Variants in PHF6 observed in about 807,000 individuals in gnomAD.
PHF6 encodes PHD finger protein 6.
PHF6 carries 7 observed loss-of-function variants against 34.0 expected under a neutral mutation model. The observed-to-expected ratio is 0.21, with a 90% CI of 0.12 to 0.39. The LOEUF is 0.39. Ranked by LOEUF, PHF6 falls within the 10% of genes least tolerant of loss-of-function variation. PHF6 has a pLI of 1.00. For missense variants in PHF6, 128 were observed against 262.8 expected (o/e 0.49, Z 3.55); for synonymous variants, 89 against 88.4 (o/e 1.01, Z -0.04).
intron 5 of PHF6, among the ~76,000 whole-genome samples, chrX:134,411,317 C>G (rs1298161705): frequency 9.0e-6 from 1 of 110,952 alleles, no homozygotes; most frequent in Non-Finnish European, 1.9e-5. Context: ...ATATATGAAT[C>G]TTTCGTGACT....
chrX:134,409,882 T>C (rs1367790015), intron 5 of PHF6, among the ~76,000 whole-genome samples: 7 of 110,985 alleles, frequency 6.3e-5, no homozygotes, highest in Non-Finnish European at 3.8e-5. Context: ...AGTGTTTAGC[T>C]CCCACTTATA....
intron 7 of PHF6, 98 bp downstream of exon 7, chrX:134,414,064 ATCATTTAGCTAGTAACC>A: frequency 1.0e-6 from 1 of 989,272 alleles, no homozygotes; most frequent in Non-Finnish European, 1.4e-6. Flanking sequence ...TTTTTTAAAA[ATCATTTAGCTAGTAACC>A]AAAAAATTTC....
intron 3 of PHF6, among the ~76,000 whole-genome samples, chrX:134,382,682 C>G (rs1380070441): frequency 9.3e-6 from 1 of 107,753 alleles, no homozygotes; most frequent in Non-Finnish European, 1.9e-5. Context: ...ATTCCCCTGC[C>G]TCAGCCTCCC....
Position 134,393,950 on chromosome X carries a change from A to C in PHF6, c.416A>C (p.Glu139Ala). Residue 139 changes from glutamate to alanine, a missense_variant and splice_region_variant, in exon 5 of 11, where the codon GAA (glutamate) becomes GCA (alanine). Around this residue, in one of 3 missense-constraint regions of PHF6, gnomAD observed 97 missense variants for 152.9 expected, o/e 0.63. Coordinates refer to ENST00000370803, the MANE Select transcript of PHF6 (RefSeq NM_001015877.2). Reference sequence around the variant, plus strand: ...CACAAGAAAACTGCACATAACTCCGAAGGTACATCATTTAGCCACGTTTCA... The same window carrying C: ...CACAAGAAAACTGCACATAACTCCGCAGGTACATCATTTAGCCACGTTTCA... ...RKHKKTAHNS[E>A]ADLEESFNEH... 4.1e-6 allele frequency: 5 copies of C among 1,210,329 alleles called. No individual in the cohort carries two copies. Among genetic ancestry groups the C allele is most frequent in the Non-Finnish European group, 5.6e-6 (5 of 894,438 alleles).
intron 5 of PHF6, among the ~76,000 whole-genome samples, chrX:134,413,286 A>C (rs1365746188): frequency 8.9e-6 from 1 of 111,985 alleles, no homozygotes; most frequent in Non-Finnish European, 1.9e-5. Flanking sequence ...GCAAACTCTA[A>C]AAATTAATTT....
chrX:134,376,843 A>G (rs1316246298), intron 1 of PHF6, among the ~76,000 whole-genome samples: 3 of 112,248 alleles, frequency 2.7e-5, no homozygotes, highest in Non-Finnish European at 3.8e-5. Flanking sequence ...TAATTTATTA[A>G]AGACATATTC....
In PHF6 at chrX:134,393,653, TTTAAG is replaced by T. The variant is rs2077364377; in HGVS notation, c.374+22_374+26del. The T allele has an allele frequency of 8.5e-7, 1 of 1,174,301 alleles. No individual in the cohort carries two copies. The stretch of plus-strand genomic sequence containing the variant: ...TTTACATGTAATTATTTAACTTCTC[TTTAAG>T]TTTTTTTTTTAACAATAATACTTTC... On this transcript the variant is annotated intron_variant, in intron 4 of 10. Coordinates refer to ENST00000370803, the MANE Select transcript of PHF6 (RefSeq NM_001015877.2).
chrX:134,408,167 A>G (rs753166260), intron 5 of PHF6, among the ~76,000 whole-genome samples: 3 of 112,059 alleles, frequency 2.7e-5, no homozygotes, highest in Admixed American at 9.5e-5. Context: ...ACCTCAAACA[A>G]TCCACCCGCC....
At chrX:134,392,859 G>A (rs1471093309) in intron 3 of PHF6, among the ~76,000 whole-genome samples, 2 of 109,740 alleles carry the variant, frequency 1.8e-5, no homozygotes, top group African/African-American at 6.6e-5. Flanking sequence ...GAGTGCAGTG[G>A]CACGATCTTG....
chrX:134,398,697 C>T (rs1468521280), intron 5 of PHF6, among the ~76,000 whole-genome samples: 1 of 111,380 alleles, frequency 9.0e-6, no homozygotes, highest in East Asian at 2.8e-4. Flanking sequence ...GGAGATGACT[C>T]CAAGGTTTCT....
Position 134,413,564 on chromosome X carries a change from A to C in PHF6, c.492A>C (p.Lys164Asn), listed in dbSNP as rs2077459891. Residue 164 changes from lysine (K) to asparagine (N), a missense_variant, in exon 6 of 11, where the codon AAA (lysine) becomes AAC (asparagine). This residue lies in a region of PHF6 where 97 missense variants were observed against 152.9 expected (regional missense o/e 0.63). Transcript: ENST00000370803. ...SSPKSKKKSR[K>N]GRPRKTNFKG... ...CTAAAAGTAAAAAGAAAAGTCGCAA[A>C]GGAAGGCCAAGAAAAACTAATTTTA... The C allele has an allele frequency of 8.3e-7, 1 of 1,209,407 alleles. No homozygotes were observed. The highest frequency in any genetic ancestry group is 2.2e-5 in the Admixed American group (1 of 45,589).
rs757782896 is a variant in PHF6, at chrX:134,393,673, A to T, written c.374+39A>T. 1.1e-5 allele frequency: 12 copies of T among 1,130,079 alleles called. No individual in the cohort carries two copies. The Admixed American group carries it at 1.4e-4, about 13-fold the overall frequency. 93.1% of individuals were successfully genotyped at this position (1,130,079 alleles called of 1,213,427 possible). A position where few individuals can be genotyped will look rare whatever the true frequency, so the allele number is the denominator to read the frequency against. ...TTCTCTTTAAGTTTTTTTTTTAACA[A>T]TAATACTTTCTTTGGGCTTTTGTAA... On this transcript the variant is annotated intron_variant, in intron 4 of 10. Transcript: ENST00000370803.
At chrX:134,406,471 C>T (rs1030791874) in intron 5 of PHF6, among the ~76,000 whole-genome samples, 1 of 111,448 alleles carries the variant, frequency 9.0e-6, no homozygotes, top group African/African-American at 3.3e-5. Flanking sequence ...GAAGGTGGAG[C>T]ATAAACCAGG....
At chrX:134,374,387 C>T (rs2077269821) in intron 1 of PHF6, among the ~76,000 whole-genome samples, 2 of 111,996 alleles carry the variant, frequency 1.8e-5, no homozygotes, top group Admixed American at 9.4e-5. Context: ...TTTGAATAAC[C>T]GCAAAAAGCA....
intron 9 of PHF6, among the ~76,000 whole-genome samples, chrX:134,424,653 T>C (rs1345974887): frequency 2.7e-5 from 3 of 111,896 alleles, no homozygotes; most frequent in South Asian, 3.7e-4. Context: ...CCAGTCTAGA[T>C]TAAAAGAGAC....
At chrX:134,409,020 A>C (rs752865846) in intron 5 of PHF6, among the ~76,000 whole-genome samples, 7 of 111,642 alleles carry the variant, frequency 6.3e-5, no homozygotes, top group Non-Finnish European at 1.1e-4. Context: ...GCCCCAATTT[A>C]TTTCTTTTAA....
At chrX:134,391,328 A>G (rs1367166923) in intron 3 of PHF6, among the ~76,000 whole-genome samples, 1 of 112,177 alleles carries the variant, frequency 8.9e-6, no homozygotes, top group Non-Finnish European at 1.9e-5. Context: ...TGTTCTAAAT[A>G]ATTCTACAAT....
chrX:134,391,220 C>CA (rs2077353127), intron 3 of PHF6, among the ~76,000 whole-genome samples: 1 of 110,702 alleles, frequency 9.0e-6, no homozygotes, highest in Non-Finnish European at 1.9e-5. Context: ...GTGATGCGCC[C>CA]GTCTCAGCCT....
chrX:134,377,257 C>T (rs1487740128), intron 1 of PHF6, among the ~76,000 whole-genome samples: 4 of 111,747 alleles, frequency 3.6e-5, no homozygotes, highest in Non-Finnish European at 7.5e-5. Context: ...GTATTTATTA[C>T]GGAGGCATCT....
Sources: allele counts gnomAD v4.1 joint callset (sites outside exome capture counted in the v4.1 genomes callset), GRCh38; gene constraint gnomAD v4.1.1; regional missense constraint gnomAD v4.1.1; transcripts MANE v1.5; gene names NCBI Gene and HGNC (gene_info 2026-07-23, HGNC 2026-07-21).